Variants in SH3KBP1 observed in about 807,000 individuals in gnomAD.
The protein encoded by SH3KBP1 is SH3 domain containing kinase binding protein 1, also known as SH3 domain-containing kinase-binding protein 1.
In SH3KBP1, 8 loss-of-function variants were observed where a neutral mutation model predicts 50.1. The observed-to-expected ratio is 0.16, with a 90% CI of 0.09 to 0.29. SH3KBP1 has a LOEUF of 0.29. Among genes scored for constraint, SH3KBP1 ranks in the 10% least tolerant of loss-of-function variants. The pLI, the probability that SH3KBP1 is intolerant of heterozygous loss-of-function variation, is 1.00. For missense variants in SH3KBP1, 377 were observed against 535.2 expected, an observed-to-expected ratio of 0.70 and a Z score of 2.92; for synonymous variants, 227 against 218.6, an observed-to-expected ratio of 1.04 and a Z score of -0.34.
At chrX:19,536,897 C>T (rs913779039) in intron 17 of SH3KBP1, among the ~76,000 whole-genome samples, 4 of 111,748 alleles carry the variant, frequency 3.6e-5, no homozygotes, top group African/African-American at 6.5e-5. Context: ...ACCACAAGGG[C>T]GCCAACTGGA....
At chrX:19,778,373 G>A (rs1183541531) in intron 2 of SH3KBP1, among the ~76,000 whole-genome samples, 2 of 103,953 alleles carry the variant, frequency 1.9e-5, no homozygotes, top group Non-Finnish European at 3.9e-5. Context: ...TGAGGTTACA[G>A]TGAGCCGAAA....
intron 7 of SH3KBP1, among the ~76,000 whole-genome samples, chrX:19,643,307 A>ATTTTTTTTTT (rs1216327847): frequency 1.3e-5 from 1 of 74,583 alleles, no homozygotes; most frequent in African/African-American, 6.8e-5. Context: ...AGAATTTTTT[A>ATTTTTTTTTT]TTTTTTTTTT....
intron 8 of SH3KBP1, among the ~76,000 whole-genome samples, chrX:19,627,600 A>G (rs1214929491): frequency 8.9e-6 from 1 of 112,517 alleles, no homozygotes; most frequent in Non-Finnish European, 1.9e-5. Context: ...TCAGGTTGCC[A>G]CATTTCCTCC....
chrX:19,595,405 G>T (rs1363049568), intron 9 of SH3KBP1, among the ~76,000 whole-genome samples: 2 of 112,294 alleles, frequency 1.8e-5, no homozygotes, highest in African/African-American at 6.5e-5. Flanking sequence ...AATTGAATCT[G>T]CTCTGGATGT....
intron 2 of SH3KBP1, among the ~76,000 whole-genome samples, chrX:19,770,348 C>T (rs1603225871): frequency 1.8e-5 from 2 of 111,999 alleles, no homozygotes; most frequent in Middle Eastern, 4.6e-3. Context: ...CAGCTCCATC[C>T]GTGTTCCCAC....
chrX:19,686,114 C>A (rs746663789), intron 5 of SH3KBP1, among the ~76,000 whole-genome samples: 129 of 111,727 alleles, frequency 1.2e-3, no homozygotes, highest in Non-Finnish European at 1.2e-3. Context: ...CACAGTCATT[C>A]AACCACACAA....
At chrX:19,622,944 G>A (rs2067885932) in intron 8 of SH3KBP1, among the ~76,000 whole-genome samples, 1 of 107,583 alleles carries the variant, frequency 9.3e-6, no homozygotes, top group Admixed American at 1.0e-4. Context: ...TCAGTAGGCT[G>A]AGGCACGAGA....
intron 2 of SH3KBP1, among the ~76,000 whole-genome samples, chrX:19,801,271 G>A (rs1380333555): frequency 8.9e-6 from 1 of 112,110 alleles, no homozygotes; most frequent in East Asian, 2.8e-4. Context: ...GCTACTGCCA[G>A]AACAACACGG....
chrX:19,657,727 AAATAAT>A (rs766687828), intron 6 of SH3KBP1, among the ~76,000 whole-genome samples: 12 of 107,905 alleles, frequency 1.1e-4, no homozygotes, highest in Admixed American at 4.0e-4. Context: ...ACTCCATCTA[AAATAAT>A]AATAATAATA....
chrX:19,814,847 C>T (rs1009954245), intron 2 of SH3KBP1, among the ~76,000 whole-genome samples: 2 of 111,826 alleles, frequency 1.8e-5, no homozygotes, highest in African/African-American at 6.5e-5. Context: ...TTCTCTCTTC[C>T]TCCATCCTTC....
At chrX:19,623,913 A>T (rs1291581494) in intron 8 of SH3KBP1, among the ~76,000 whole-genome samples, 1 of 112,291 alleles carries the variant, frequency 8.9e-6, no homozygotes, top group African/African-American at 3.2e-5. Context: ...ACCAGGAAAG[A>T]ACATTCAGTT....
intron 13 of SH3KBP1, among the ~76,000 whole-genome samples, chrX:19,562,562 C>A (rs1287170840): frequency 9.0e-6 from 1 of 111,628 alleles, no homozygotes; most frequent in Non-Finnish European, 1.9e-5. Context: ...TAGGTACACC[C>A]AGTACCTCCA....
In SH3KBP1 at chrX:19,607,932, A is replaced by G. The variant is rs761140020; in HGVS notation, c.1005+6T>C. On this transcript the variant is annotated splice_donor_region_variant and intron_variant, in intron 9 of 17. Coordinates refer to ENST00000397821, the MANE Select transcript of SH3KBP1 (RefSeq NM_031892.3). ...CTCCGCTGAAATCAAAGTGAAGGAG[A>G]CTTACATTCCCTTCCTTTTCAAAGT... The G allele has an allele frequency of 8.4e-7, 1 of 1,193,759 alleles. No individual in the cohort carries two copies. The highest frequency in any genetic ancestry group is 1.8e-5 in the South Asian group (1 of 56,423).
intron 2 of SH3KBP1, among the ~76,000 whole-genome samples, chrX:19,833,435 C>T (rs749306999): frequency 3.3e-4 from 35 of 107,078 alleles, no homozygotes; most frequent in South Asian, 1.7e-3. Flanking sequence ...CACAGTCTTC[C>T]GCCCCTTCCC....
intron 1 of SH3KBP1, among the ~76,000 whole-genome samples, chrX:19,870,231 G>T (rs1437386670): frequency 1.8e-5 from 2 of 112,640 alleles, no homozygotes; most frequent in Admixed American, 1.9e-4. Context: ...GAAGAAAGAT[G>T]ATTTTAAAAA....
At chrX:19,631,348 A>G (rs2061570996) in intron 8 of SH3KBP1, among the ~76,000 whole-genome samples, 1 of 112,447 alleles carries the variant, frequency 8.9e-6, no homozygotes, top group African/African-American at 3.2e-5. Flanking sequence ...CTCTCTGTTT[A>G]TTTACAGGGC....
intron 5 of SH3KBP1, among the ~76,000 whole-genome samples, chrX:19,685,788 C>T (rs1208798541): frequency 9.0e-6 from 1 of 111,519 alleles, no homozygotes; most frequent in African/African-American, 3.3e-5. Flanking sequence ...TGGAAAGAGC[C>T]ATTCAAGGGT....
chrX:19,806,431 G>A (rs1245751791), intron 2 of SH3KBP1, among the ~76,000 whole-genome samples: 4 of 111,053 alleles, frequency 3.6e-5, no homozygotes, highest in South Asian at 3.9e-4. Context: ...CAGGAGAATC[G>A]CTTGAACCAG....
chrX:19,691,785 T>G (rs1436376217), intron 5 of SH3KBP1, among the ~76,000 whole-genome samples: 3 of 111,456 alleles, frequency 2.7e-5, no homozygotes, highest in African/African-American at 9.8e-5. Context: ...GGACTTGCCA[T>G]AATTTTATGT....
Sources: allele counts gnomAD v4.1 joint callset (sites outside exome capture counted in the v4.1 genomes callset), GRCh38; gene constraint gnomAD v4.1.1; transcripts MANE v1.5; gene names NCBI Gene and HGNC (gene_info 2026-07-23, HGNC 2026-07-21).